C12orf75: variants seen among roughly 807,000 people sequenced by gnomAD.
C12orf75 encodes the protein chromosome 12 open reading frame 75.
Under a neutral mutation model 11.4 loss-of-function variants are expected in C12orf75, and 4 were observed. The ratio of observed to expected loss-of-function variants is 0.35; its 90% CI spans 0.17 to 0.80. The LOEUF (loss-of-function observed/expected upper bound fraction) is 0.80, where lower values mean the gene tolerates loss of function less well. Ranked by LOEUF, C12orf75 falls within the 30% of genes least tolerant of loss-of-function variation. The probability of loss-of-function intolerance (pLI) is 0.52; values close to 1 mark genes in which losing one functional copy is unlikely to be tolerated. For missense variants in C12orf75, 89 were observed against 80.4 expected (o/e 1.11, Z -0.41); for synonymous variants, 30 against 30.0 (o/e 1.00, Z 0.00).
chr12:105,356,438 G>GTTTTTTTTTT (rs1288538503), intron 2 of C12orf75, among the ~76,000 whole-genome samples: 1 of 83,108 alleles, frequency 1.2e-5, no homozygotes, highest in African/African-American at 4.5e-5. Flanking sequence ...AAGACTACAG[G>GTTTTTTTTTT]CTTTTTTTTT....
intron 2 of C12orf75, among the ~76,000 whole-genome samples, chr12:105,365,427 A>T (rs1871444654): frequency 6.6e-6 from 1 of 152,210 alleles, no homozygotes; most frequent in Non-Finnish European, 1.5e-5. Context: ...CAAATGAGAC[A>T]CAGGCTGGCA....
Position 105,367,331 on chromosome 12 carries a change from T to C in C12orf75, c.188-141T>C, listed in dbSNP as rs546107367. ...ATTACATTATTTTGAACATACTATATTTGTTCCTCATTGTTCTTTCTGTAC... is the reference window on the plus strand; with the variant it reads ...ATTACATTATTTTGAACATACTATACTTGTTCCTCATTGTTCTTTCTGTAC... On this transcript the variant is annotated intron_variant, in intron 4 of 5. Transcript: ENST00000443585. 848 of 370,624 alleles carry C rather than the reference T, an allele frequency of 2.3e-3. 4 individuals are homozygous for C. The highest frequency in any genetic ancestry group is 4.6e-3 in the South Asian group (94 of 20,370). 23.0% of individuals were successfully genotyped at this position (370,624 alleles called of 1,614,324 possible). A position where few individuals can be genotyped will look rare whatever the true frequency, so the allele number is the denominator to read the frequency against.
At chr12:105,366,543 G>A in intron 3 of C12orf75, 74 bp from the exon 4 acceptor site, 2 of 645,930 alleles carry the variant, frequency 3.1e-6, no homozygotes, top group South Asian at 2.2e-5. Flanking sequence ...TAATTGTTTG[G>A]AGTACTCCGT....
chr12:105,341,019 T>C (rs913008231), intron 1 of C12orf75, among the ~76,000 whole-genome samples: 3 of 152,232 alleles, frequency 2.0e-5, no homozygotes, highest in South Asian at 4.1e-4. Context: ...TATGAGTGCA[T>C]AGATTTCTGT....
At chr12:105,358,932 C>G (rs1892822168) in intron 2 of C12orf75, among the ~76,000 whole-genome samples, 1 of 152,202 alleles carries the variant, frequency 6.6e-6, no homozygotes, top group Non-Finnish European at 1.5e-5. Flanking sequence ...ATGTTTCGAC[C>G]AAACCCCAGC....
intron 2 of C12orf75, among the ~76,000 whole-genome samples, chr12:105,358,258 G>A (rs538008244): frequency 2.0e-5 from 3 of 152,200 alleles, no homozygotes; most frequent in African/African-American, 7.2e-5. Context: ...GCACGTGTTT[G>A]TAGTCCCAGC....
intron 1 of C12orf75, among the ~76,000 whole-genome samples, chr12:105,345,762 A>G (rs192955235): frequency 8.7e-4 from 121 of 139,612 alleles, no homozygotes; most frequent in African/African-American, 2.9e-3. Context: ...CCTGGGTTCA[A>G]GCAATTCTGC....
intron 2 of C12orf75, among the ~76,000 whole-genome samples, chr12:105,356,439 CTTTT>C (rs77310165): frequency 1.6e-4 from 17 of 106,332 alleles, no homozygotes; most frequent in South Asian, 6.9e-4. Flanking sequence ...AGACTACAGG[CTTTT>C]TTTTTTTTTT....
intron 2 of C12orf75, among the ~76,000 whole-genome samples, chr12:105,353,945 G>C (rs554140410): frequency 1.3e-5 from 2 of 152,248 alleles, no homozygotes; most frequent in East Asian, 3.9e-4. Context: ...AAACCCATTG[G>C]CAATTTGTTT....
rs369790926 is a variant in C12orf75 at position 105,350,890 on chromosome 12, C to T, written c.71+2264C>T. ...CAACAGAATTAACCGTTCCAGGATGCGAGATGCCATTTAACTACTTAACTA... is the reference window on the plus strand; with the variant it reads ...CAACAGAATTAACCGTTCCAGGATGTGAGATGCCATTTAACTACTTAACTA... On this transcript the variant is annotated intron_variant, in intron 2 of 5. Coordinates refer to ENST00000443585, the MANE Select transcript of C12orf75 (RefSeq NM_001145199.2). Among the ~76,000 whole-genome samples the T allele has an allele frequency of 1.0e-3, 158 of 152,232 alleles. 2 individuals are homozygous for T. The South Asian group carries it at 0.031, about 30-fold the overall frequency.
intron 5 of C12orf75, 95 bp downstream of exon 5, chr12:105,367,604 C>A: frequency 2.9e-6 from 1 of 347,836 alleles, no homozygotes; most frequent in South Asian, 7.5e-5. Context: ...TCTAAGAAAT[C>A]TTGAACTTTA....
chr12:105,345,046 G>A (rs1188872252), intron 1 of C12orf75, among the ~76,000 whole-genome samples: 1 of 150,770 alleles, frequency 6.6e-6, no homozygotes, highest in African/African-American at 2.4e-5. Context: ...GTCAGGCCAT[G>A]ATGGGAAGTG....
intron 2 of C12orf75, among the ~76,000 whole-genome samples, chr12:105,352,601 T>C (rs1892725777): frequency 6.6e-6 from 1 of 152,180 alleles, no homozygotes; most frequent in Non-Finnish European, 1.5e-5. Flanking sequence ...TTGAAGTTTG[T>C]TTTTCCTTTT....
intron 1 of C12orf75, among the ~76,000 whole-genome samples, chr12:105,348,269 A>G (rs964423894): frequency 8.6e-5 from 13 of 151,934 alleles, no homozygotes; most frequent in Non-Finnish European, 1.9e-4. Context: ...ACAAAAATTA[A>G]CCAGGCATGG....
intron 2 of C12orf75, among the ~76,000 whole-genome samples, chr12:105,364,068 A>T (rs1212505759): frequency 6.6e-6 from 1 of 152,256 alleles, no homozygotes; most frequent in Admixed American, 6.5e-5. Context: ...ATGTGAAAAG[A>T]ATAGTCATGG....
chr12:105,339,326 A>G (rs953976201), intron 1 of C12orf75, among the ~76,000 whole-genome samples: 5 of 152,052 alleles, frequency 3.3e-5, no homozygotes, highest in Admixed American at 6.5e-5. Flanking sequence ...ATTTCCCATA[A>G]GAACCATAGG....
intron 1 of C12orf75, among the ~76,000 whole-genome samples, chr12:105,332,216 G>A (rs949192280): frequency 5.3e-5 from 8 of 152,062 alleles, no homozygotes; most frequent in African/African-American, 1.9e-4. Context: ...CTCAAATTGT[G>A]TCTCAGTCTA....
rs766366085 is a variant in C12orf75, at chr12:105,370,665, C to A, written c.*65C>A. On this transcript the variant is annotated 3_prime_UTR_variant, in exon 6 of 6. Coordinates refer to ENST00000443585, the MANE Select transcript of C12orf75 (RefSeq NM_001145199.2). The stretch of plus-strand genomic sequence containing the variant: ...CATCAGTTTGGAAGGAATTTGGCTC[C>A]GTGGGACGTTGTAATGTGCACAGAC... 2.2e-6 allele frequency: 1 copy of A among 457,586 alleles called. No homozygotes were observed. Among genetic ancestry groups the A allele is most frequent in the East Asian group, 6.9e-5 (1 of 14,392 alleles). The allele number at this position is 457,586 out of a possible 1,614,324, so 28.3% of individuals were successfully genotyped here.
chr12:105,351,668 G>A (rs1170432452), intron 2 of C12orf75, among the ~76,000 whole-genome samples: 1 of 152,108 alleles, frequency 6.6e-6, no homozygotes, highest in African/African-American at 2.4e-5. Flanking sequence ...GCAACCCATG[G>A]CAGAGGACAA....
Sources: gnomAD v4.1 joint callset for allele counts (sites outside exome capture counted in the v4.1 genomes callset) on GRCh38, gnomAD v4.1.1 for gene constraint, MANE v1.5 for transcripts, NCBI Gene and HGNC (gene_info 2026-07-23, HGNC 2026-07-21) for gene names.